Variants in LTBP1 observed in about 807,000 individuals in gnomAD.
The protein encoded by LTBP1 is latent-transforming growth factor beta-binding protein 1.
In LTBP1, 129 loss-of-function variants were observed where a neutral mutation model predicts 207.6. The ratio of observed to expected loss-of-function variants is 0.62; its 90% CI spans 0.54 to 0.72. The LOEUF (loss-of-function observed/expected upper bound fraction) is 0.72. Ranked by LOEUF, LTBP1 falls within the 30% of genes least tolerant of loss-of-function variation. The pLI, the probability that LTBP1 is intolerant of heterozygous loss-of-function variation, is 0.00. For missense variants in LTBP1, 2,281 were observed against 2,217.2 expected, an observed-to-expected ratio of 1.03 and a Z score of -0.58; for synonymous variants, 963 against 833.7, an observed-to-expected ratio of 1.16 and a Z score of -2.67.
intron 3 of LTBP1, among the ~76,000 whole-genome samples, chr2:33,083,867 C>T (rs78117871): frequency 1.6e-3 from 238 of 152,258 alleles, no homozygotes; most frequent in African/African-American, 5.5e-3. Flanking sequence ...TTCATGACCA[C>T]CTGACGCACT....
intron 2 of LTBP1, among the ~76,000 whole-genome samples, chr2:32,989,738 C>T (rs1461465984): frequency 6.6e-6 from 1 of 152,152 alleles, no homozygotes; most frequent in Non-Finnish European, 1.5e-5. Flanking sequence ...TTTGAAAGAT[C>T]AAATAGTGTA....
chr2:33,005,700 C>T (rs924907881), intron 2 of LTBP1, among the ~76,000 whole-genome samples: 1 of 151,594 alleles, frequency 6.6e-6, no homozygotes, highest in African/African-American at 2.4e-5. Context: ...AATTCTCGTC[C>T]CTCAGCCTCC....
At chr2:33,066,384 C>T (rs1055626159) in intron 3 of LTBP1, among the ~76,000 whole-genome samples, 3 of 152,114 alleles carry the variant, frequency 2.0e-5, no homozygotes, top group African/African-American at 7.2e-5. Flanking sequence ...ATCATAGTTA[C>T]CACATTTAAT....
intron 2 of LTBP1, among the ~76,000 whole-genome samples, chr2:32,991,836 A>G (rs1476864783): frequency 6.6e-6 from 1 of 152,180 alleles, no homozygotes; most frequent in East Asian, 1.9e-4. Context: ...GTAGGGACAA[A>G]AAACTCACTC....
At chr2:33,273,275 A>T (rs2093359141) in intron 15 of LTBP1, among the ~76,000 whole-genome samples, 1 of 152,158 alleles carries the variant, frequency 6.6e-6, no homozygotes, top group Admixed American at 6.5e-5. Flanking sequence ...TCTCTTACCT[A>T]TTGGTGATTC....
intron 26 of LTBP1, among the ~76,000 whole-genome samples, chr2:33,360,221 A>T (rs1204354924): frequency 3.3e-5 from 5 of 152,194 alleles, no homozygotes; most frequent in African/African-American, 1.2e-4. Context: ...ACCCGTGGTC[A>T]AGTATTTGGG....
chr2:33,215,705 G>A (rs1220069557), intron 7 of LTBP1, among the ~76,000 whole-genome samples: 2 of 145,964 alleles, frequency 1.4e-5, no homozygotes, highest in African/African-American at 5.2e-5. Flanking sequence ...AACTTCCATT[G>A]GTTTTCTTTT....
chr2:33,291,015 T>G (rs1481095260), intron 19 of LTBP1, among the ~76,000 whole-genome samples: 1 of 152,266 alleles, frequency 6.6e-6, no homozygotes, highest in Non-Finnish European at 1.5e-5. Context: ...GATATTTTAC[T>G]GTCTTGCTAT....
At chr2:32,961,554 C>A (rs1250637428) in intron 2 of LTBP1, among the ~76,000 whole-genome samples, 1 of 86,172 alleles carries the variant, frequency 1.2e-5, no homozygotes, top group African/African-American at 4.2e-5. Context: ...TTTTGTTCAT[C>A]CCCCCCACCT....
At chr2:33,150,272 T>G (rs1170907491) in intron 5 of LTBP1, among the ~76,000 whole-genome samples, 2 of 152,198 alleles carry the variant, frequency 1.3e-5, no homozygotes, top group African/African-American at 4.8e-5. Flanking sequence ...GCTTTTTTAC[T>G]TGAATGAAAT....
intron 10 of LTBP1, among the ~76,000 whole-genome samples, chr2:33,246,409 A>G (rs2092510750): frequency 6.6e-6 from 1 of 152,162 alleles, no homozygotes; most frequent in African/African-American, 2.4e-5. Flanking sequence ...AAATAAATGA[A>G]AAGATAATGG....
chr2:33,236,047 A>G (rs78322890), intron 9 of LTBP1, among the ~76,000 whole-genome samples: 2,248 of 152,266 alleles, frequency 0.015, 22 homozygotes, highest in East Asian at 0.026. Context: ...GAACTTAAAT[A>G]TAATTTTTAA....
chr2:33,278,807 C>A (rs1320067799), intron 18 of LTBP1, among the ~76,000 whole-genome samples: 1 of 151,972 alleles, frequency 6.6e-6, no homozygotes, highest in Non-Finnish European at 1.5e-5. Context: ...CAAGAAGTCC[C>A]AGAACATCTG....
At chr2:33,259,491 C>A in intron 12 of LTBP1, 97 bp from the exon 13 acceptor site, 1 of 837,490 alleles carries the variant, frequency 1.2e-6, no homozygotes, top group Non-Finnish European at 1.8e-6. Flanking sequence ...AATCCTTTTG[C>A]AGAGATAATG....
chr2:33,233,527 G>A (rs2091898890), intron 9 of LTBP1, among the ~76,000 whole-genome samples: 3 of 152,052 alleles, frequency 2.0e-5, no homozygotes, highest in Non-Finnish European at 1.5e-5. Context: ...GCTTCAATTA[G>A]TTTCTTAGCA....
chr2:33,161,256 T>C (rs1489988143), intron 5 of LTBP1, among the ~76,000 whole-genome samples: 2 of 151,586 alleles, frequency 1.3e-5, no homozygotes, highest in African/African-American at 2.4e-5. Context: ...AAGCTTTTTT[T>C]TTTTCCTTTT....
At position 33,021,093 on chromosome 2, in the gene LTBP1, G is replaced by A. The variant is rs748558658; in HGVS notation, c.750G>A (p.Lys250=). The A allele has an allele frequency of 3.7e-6, 6 of 1,613,998 alleles. No individual in the cohort carries two copies. The highest frequency in any genetic ancestry group is 2.2e-5 in the South Asian group (2 of 91,062). ...SSWGPPEQAA[K]HTSSKKADTL... ...GGGGCCCTCCTGAGCAAGCAGCAAA[G>A]CATACTTCATCTAAGAAGGCAGACA... is the stretch of plus-strand genomic sequence containing the variant. Residue 250 remains lysine, a synonymous_variant, in exon 3 of 34, where the codon AAG becomes AAA. Coordinates refer to ENST00000404816, the MANE Select transcript of LTBP1 (RefSeq NM_206943.4).
rs2094251473 is a variant in LTBP1, at chr2:33,315,251, G to A, written c.3712G>A (p.Asp1238Asn). The change falls in exon 24 of 34, where the codon GAT becomes AAT. Residue 1238 changes from aspartate (D) to asparagine (N), a missense_variant. This residue lies in a region of LTBP1 where 1,671 missense variants were observed against 1,634.8 expected (regional missense o/e 1.02). Coordinates refer to ENST00000404816, the MANE Select transcript of LTBP1 (RefSeq NM_206943.4). ...VCQQGFSISADGRTCEDIDEC... is the reference protein window; with the variant it reads ...VCQQGFSISANGRTCEDIDEC... ...CCAGCAGGGTTTCTCAATCTCTGCA[G>A]ATGGCCGTACGTGTGAAGGTAAGAT... The A allele has an allele frequency of 6.2e-7, 1 of 1,613,112 alleles. No homozygotes were observed. Among genetic ancestry groups the A allele is most frequent in the East Asian group, 2.2e-5 (1 of 44,862 alleles).
chr2:33,389,275 T>C lies in LTBP1; in HGVS notation c.4803T>C (p.Thr1601=), dbSNP rs762793559. Residue 1601 remains threonine (T), a synonymous_variant, in exon 32 of 34, where the codon ACT becomes ACC. Transcript: ENST00000404816. ...DALVDFSEQY[T]PEADPYFIQD... is the part of the protein sequence containing the mutation. ...TGGTTGACTTCAGTGAACAGTATAC[T>C]CCAGAAGCCGATCCCTACTTCATCC... The C allele has an allele frequency of 5.0e-6, 8 of 1,614,038 alleles. No homozygotes were observed. Among genetic ancestry groups the C allele is most frequent in the Non-Finnish European group, 6.8e-6 (8 of 1,180,036 alleles).
Sources: gnomAD v4.1 joint callset for allele counts (sites outside exome capture counted in the v4.1 genomes callset) on GRCh38, gnomAD v4.1.1 for gene constraint, gnomAD v4.1.1 regional missense constraint, MANE v1.5 for transcripts, NCBI Gene and HGNC (gene_info 2026-07-23, HGNC 2026-07-21) for gene names.